Variants in FNIP1 observed in about 807,000 individuals in gnomAD.
FNIP1 encodes the protein folliculin interacting protein 1, also known as folliculin-interacting protein 1.
Under a neutral mutation model 124.5 loss-of-function variants are expected in FNIP1, and 40 were observed. The ratio of observed to expected loss-of-function variants is 0.32; its 90% CI spans 0.25 to 0.42. The LOEUF (loss-of-function observed/expected upper bound fraction) is 0.42, where lower values mean the gene tolerates loss of function less well. Ranked by LOEUF, FNIP1 falls within the 10% of genes least tolerant of loss-of-function variation. FNIP1 has a pLI of 1.00. For missense variants in FNIP1, 1,176 were observed against 1,403.7 expected (o/e 0.84, Z 2.59); for synonymous variants, 472 against 470.6 (o/e 1.00, Z -0.04).
chr5:131,698,648 T>C (rs1768786446), intron 11 of FNIP1, among the ~76,000 whole-genome samples: 1 of 152,204 alleles, frequency 6.6e-6, no homozygotes, highest in Admixed American at 6.5e-5. Flanking sequence ...GAACAAAGCA[T>C]ACTTTTGCTA....
At chr5:131,746,928 CA>C (rs1770703099) in intron 1 of FNIP1, among the ~76,000 whole-genome samples, 1 of 152,178 alleles carries the variant, frequency 6.6e-6, no homozygotes, top group South Asian at 2.1e-4. Context: ...TCCACAGCCT[CA>C]CCTGCATCTG....
chr5:131,700,225 G>A (rs1768854133), intron 10 of FNIP1, among the ~76,000 whole-genome samples: 2 of 151,660 alleles, frequency 1.3e-5, no homozygotes, highest in African/African-American at 4.8e-5. Context: ...CTTGTGATCC[G>A]CCTGCCTCGG....
intron 11 of FNIP1, among the ~76,000 whole-genome samples, chr5:131,688,721 A>T (rs933490942): frequency 1.4e-5 from 2 of 144,090 alleles, no homozygotes; most frequent in Non-Finnish European, 3.1e-5. Context: ...AAAAAAAAGG[A>T]GCAGGAATGA....
chr5:131,651,206 G>A (rs1461433042), intron 16 of FNIP1, among the ~76,000 whole-genome samples: 2 of 152,058 alleles, frequency 1.3e-5, no homozygotes, highest in South Asian at 2.1e-4. Flanking sequence ...TCTGGGCAAT[G>A]GGGCAAAATG....
At chr5:131,784,360 TTACGA>T (rs1354215276) in intron 1 of FNIP1, among the ~76,000 whole-genome samples, 7 of 152,072 alleles carry the variant, frequency 4.6e-5, no homozygotes, top group African/African-American at 1.7e-4. Context: ...GAACAGACAT[TTACGA>T]TACAACAATA....
chr5:131,704,315 C>A, intron 9 of FNIP1, 49 bp from the exon 10 acceptor site: 3 of 1,430,128 alleles, frequency 2.1e-6, no homozygotes, highest in Non-Finnish European at 2.8e-6. Context: ...AAAATAAATT[C>A]ACAATTTAAT....
At chr5:131,789,427 CAGA>C (rs1184651549) in intron 1 of FNIP1, among the ~76,000 whole-genome samples, 11 of 152,212 alleles carry the variant, frequency 7.2e-5, no homozygotes, top group Non-Finnish European at 1.5e-4. Flanking sequence ...TTAAGAACTT[CAGA>C]AGCTCAAAAT....
intron 16 of FNIP1, among the ~76,000 whole-genome samples, chr5:131,650,358 A>G (rs1281463490): frequency 6.6e-6 from 1 of 152,104 alleles, no homozygotes; most frequent in Non-Finnish European, 1.5e-5. Flanking sequence ...TTCCTAAGTA[A>G]TTTATTCTTT....
Position 131,672,352 on chromosome 5 carries a change from C to T in FNIP1, c.2092G>A (p.Gly698Ser), listed in dbSNP as rs767534322. 3 of 1,614,090 alleles carry T rather than the reference C, an allele frequency of 1.9e-6. 1 individual carries two copies. The South Asian group carries it at 3.3e-5, about 18-fold the overall frequency. The change falls in exon 14 of 18, where the codon GGC becomes AGC. Residue 698 changes from glycine (G) to serine (S), a missense_variant. By Grantham distance (56) the Gly-to-Ser change is moderately conservative. Coordinates refer to ENST00000510461, the MANE Select transcript of FNIP1 (RefSeq NM_133372.3). The part of the protein sequence containing the change: ...PVDKCALSES[G>S]LESTEETWQS... ...CATGTTTCCTCTGTTGACTCTAAGC[C>T]TGACTCTGACAATGCACATTTGTCT...
intron 1 of FNIP1, among the ~76,000 whole-genome samples, chr5:131,745,336 T>C: frequency 6.6e-6 from 1 of 151,872 alleles, no homozygotes; most frequent in South Asian, 2.1e-4. Flanking sequence ...CTGGACAACA[T>C]AGTGAGACCC....
chr5:131,680,208 T>G (rs1265368316), intron 11 of FNIP1, among the ~76,000 whole-genome samples: 1 of 152,194 alleles, frequency 6.6e-6, no homozygotes, highest in Non-Finnish European at 1.5e-5. Flanking sequence ...TCTAGAAAGT[T>G]CTCTGAGATT....
rs188469000 is a variant in FNIP1, at chr5:131,728,651, T to C, written c.354+2253A>G. ...TGCTCCTTTAGCTCACAGGAGTTTA[T>C]TACCTTTATTATCTTCTGAAGCCTA... On this transcript the variant is annotated intron_variant, in intron 3 of 17. Coordinates refer to ENST00000510461, the MANE Select transcript of FNIP1 (RefSeq NM_133372.3). Among the ~76,000 whole-genome samples, 3 of 152,222 alleles carry C rather than the reference T, an allele frequency of 2.0e-5. No individual in the cohort carries two copies. In the East Asian group the frequency reaches 5.8e-4, roughly 29 times the overall value.
At chr5:131,663,411 C>G (rs1284975841) in intron 15 of FNIP1, among the ~76,000 whole-genome samples, 1 of 152,068 alleles carries the variant, frequency 6.6e-6, no homozygotes, top group Non-Finnish European at 1.5e-5. Flanking sequence ...TTTATATATA[C>G]AGCTCCAATT....
rs772538697 is a variant in FNIP1 at position 131,672,169 on chromosome 5, T to C, written c.2275A>G (p.Met759Val). 8.1e-6 allele frequency: 13 copies of C among 1,614,090 alleles called. No individual in the cohort carries two copies. Among genetic ancestry groups the C allele is most frequent in the Admixed American group, 3.3e-5 (2 of 60,012 alleles). Residue 759 changes from methionine to valine, a missense_variant, in exon 14 of 18, where the codon ATG (methionine) becomes GTG (valine). Physicochemically the swap from Met to Val is conservative, Grantham distance 21 (BLOSUM62 1). Coordinates refer to ENST00000510461, the MANE Select transcript of FNIP1 (RefSeq NM_133372.3). ...AGCTCAGTATCTGAATCAGGTGACA[T>C]AGAATCCCCAATCAGGAAAGTAACC... ...TKVTFLIGDS[M>V]SPDSDTELRS...
intron 1 of FNIP1, among the ~76,000 whole-genome samples, chr5:131,770,504 G>A (rs182696446): frequency 2.0e-5 from 3 of 152,136 alleles, no homozygotes; most frequent in Non-Finnish European, 2.9e-5. Flanking sequence ...ACAGAAATGC[G>A]TTAATACAAT....
chr5:131,710,422 A>G (rs919014348), intron 7 of FNIP1, among the ~76,000 whole-genome samples, 156 bp downstream of exon 7: 2 of 152,252 alleles, frequency 1.3e-5, no homozygotes, highest in Non-Finnish European at 2.9e-5. Context: ...CATGTTCAGT[A>G]GAAAAGGAAT....
intron 1 of FNIP1, among the ~76,000 whole-genome samples, chr5:131,771,015 G>A (rs1037933019): frequency 6.6e-6 from 1 of 152,028 alleles, no homozygotes; most frequent in East Asian, 1.9e-4. Context: ...GTATACATGT[G>A]CCATGCTAGT....
chr5:131,754,829 T>C (rs1043239105), intron 1 of FNIP1, among the ~76,000 whole-genome samples: 2 of 152,144 alleles, frequency 1.3e-5, no homozygotes, highest in Non-Finnish European at 2.9e-5. Context: ...ACTGACAAGA[T>C]AGAGAGAAGC....
chr5:131,767,427 C>CAAAAA lies in FNIP1; in HGVS notation c.93-22742_93-22738dup, dbSNP rs139550903. On this transcript the variant is annotated intron_variant, in intron 1 of 17. Coordinates refer to ENST00000510461, the MANE Select transcript of FNIP1 (RefSeq NM_133372.3). ...CTGGTGACAGAGTGAGATTCTGTCT[C>CAAAAA]AAAAAAAAAAAAAAAAAAAAAAAAA... Among the ~76,000 whole-genome samples the CAAAAA allele has an allele frequency of 9.2e-3, 592 of 64,052 alleles. 1 individual carries two copies. Among genetic ancestry groups the CAAAAA allele is most frequent in the African/African-American group, 0.012 (247 of 19,860 alleles). 42.0% of individuals were successfully genotyped at this position (64,052 alleles called of 152,430 possible). A position where few individuals can be genotyped will look rare whatever the true frequency, so the allele number is the denominator to read the frequency against.
Sources: gnomAD v4.1 joint callset for allele counts (sites outside exome capture counted in the v4.1 genomes callset) on GRCh38, gnomAD v4.1.1 for gene constraint, MANE v1.5 for transcripts, NCBI Gene and HGNC (gene_info 2026-07-23, HGNC 2026-07-21) for gene names.